FBXO6: variants seen among roughly 807,000 people sequenced by gnomAD.
The protein encoded by FBXO6 is F-box protein 6.
Under a neutral mutation model 25.0 loss-of-function variants are expected in FBXO6, and 13 were observed. That is an observed-to-expected ratio of 0.52 (90% CI 0.34 to 0.83). The LOEUF (loss-of-function observed/expected upper bound fraction) is 0.83, where lower values mean the gene tolerates loss of function less well. FBXO6 is among the 40% of genes least tolerant of loss of function. FBXO6 has a pLI of 0.02. For missense variants in FBXO6, 370 were observed against 380.2 expected, an observed-to-expected ratio of 0.97 and a Z score of 0.22; for synonymous variants, 138 against 155.3, an observed-to-expected ratio of 0.89 and a Z score of 0.83.
intron 1 of FBXO6, among the ~76,000 whole-genome samples, chr1:11,666,035 C>CT (rs1557670275): frequency 9.4e-6 from 1 of 106,764 alleles, no homozygotes; most frequent in African/African-American, 3.9e-5. Context: ...TTTTTCTTTT[C>CT]TCTTTTTTTT....
intron 1 of FBXO6, among the ~76,000 whole-genome samples, chr1:11,666,381 TTTC>T (rs1231646534): frequency 2.0e-5 from 3 of 150,598 alleles, no homozygotes; most frequent in Non-Finnish European, 4.4e-5. Context: ...CCTTTTTTCT[TTTC>T]TTTTTTTTTT....
chr1:11,672,299 T>C (rs1640640174), intron 4 of FBXO6, among the ~76,000 whole-genome samples: 1 of 151,978 alleles, frequency 6.6e-6, no homozygotes, highest in African/African-American at 2.4e-5. Context: ...CACTTTTTTT[T>C]TTTTTGAGAC....
chr1:11,671,795 C>T, intron 3 of FBXO6, 133 bp from the exon 4 acceptor site: 1 of 766,178 alleles, frequency 1.3e-6, no homozygotes. Context: ...CAGTGCCTGT[C>T]CCGCAGCGGC....
intron 1 of FBXO6, among the ~76,000 whole-genome samples, chr1:11,667,172 G>A (rs1006430848): frequency 9.2e-5 from 14 of 151,364 alleles, no homozygotes; most frequent in African/African-American, 3.2e-4. Context: ...AAAAAAAAAA[G>A]AGGCCAGCAA....
intron 2 of FBXO6, among the ~76,000 whole-genome samples, chr1:11,669,760 AC>A (rs1640563064): frequency 6.7e-6 from 1 of 148,758 alleles, no homozygotes; most frequent in Non-Finnish European, 1.5e-5. Flanking sequence ...ACACACACAC[AC>A]AAGTAGTTGG....
rs1446249149 is a variant in FBXO6 at position 11,665,706 on chromosome 1, G to A, written c.-4+1451G>A. Among the ~76,000 whole-genome samples the A allele has an allele frequency of 9.4e-4, 143 of 151,556 alleles. 1 individual carries two copies. The highest frequency in any genetic ancestry group is 3.4e-3 in the Middle Eastern group (1 of 294). On this transcript the variant is annotated intron_variant, in intron 1 of 5. Coordinates refer to ENST00000376753, the MANE Select transcript of FBXO6 (RefSeq NM_018438.6). ...CTCCCGAGTAGCTGGGACTACAGGC[G>A]TCCGCCACCACGCCCAGCTAATTTT...
chr1:11,669,737 TACACACAC>T (rs113558790), intron 2 of FBXO6, among the ~76,000 whole-genome samples: 7 of 139,008 alleles, frequency 5.0e-5, no homozygotes, highest in African/African-American at 7.9e-5. Context: ...TACATATACA[TACACACAC>T]ACACACACAC....
In FBXO6 at chr1:11,673,249, G is replaced by T. The variant is rs756663794; in HGVS notation, c.510-28G>T. The T allele has an allele frequency of 6.2e-7, 1 of 1,600,392 alleles. No homozygotes were observed. Among genetic ancestry groups the T allele is most frequent in the Non-Finnish European group, 8.5e-7 (1 of 1,172,710 alleles). On this transcript the variant is annotated intron_variant, in intron 4 of 5. Coordinates refer to ENST00000376753, the MANE Select transcript of FBXO6 (RefSeq NM_018438.6). This position sits in a 1 kb window ranked among gnomAD's most constrained non-coding sequence, Gnocchi z 4.3. ...CCTGGGGCCAGCCCTCGGTGGCTTG[G>T]ACACAGGGCTCTCAACCCCTCCACC... is the stretch of plus-strand genomic sequence containing the variant.
At chr1:11,667,519 C>G (rs184862401) in intron 1 of FBXO6, among the ~76,000 whole-genome samples, 116 of 152,290 alleles carry the variant, frequency 7.6e-4, no homozygotes, top group African/African-American at 2.4e-3. Context: ...ACAGTTACCC[C>G]CTCCTTTTCA....
intron 1 of FBXO6, among the ~76,000 whole-genome samples, chr1:11,666,653 G>A (rs1640448132): frequency 6.6e-6 from 1 of 152,006 alleles, no homozygotes; most frequent in Non-Finnish European, 1.5e-5. Context: ...AAGGGCTGGG[G>A]TTACAGGCTT....
chr1:11,666,643 A>G (rs1456467414), intron 1 of FBXO6, among the ~76,000 whole-genome samples: 3 of 151,886 alleles, frequency 2.0e-5, no homozygotes, highest in African/African-American at 7.3e-5. Flanking sequence ...CGGCCTCCCA[A>G]AGGGCTGGGG....
Position 11,668,644 on chromosome 1 carries a change from T to C in FBXO6, c.-3-12T>C, listed in dbSNP as rs1198589975. The C allele has an allele frequency of 6.2e-7, 1 of 1,605,384 alleles. No homozygotes were observed. The highest frequency in any genetic ancestry group is 1.7e-5 in the Admixed American group (1 of 59,876). ...TCCCTGGTCAGGCTCATAACTGCTG[T>C]TGCCCCCACAGGCCATGGATGCTCC... On this transcript the variant is annotated splice_polypyrimidine_tract_variant and intron_variant, in intron 1 of 5. Coordinates refer to ENST00000376753, the MANE Select transcript of FBXO6 (RefSeq NM_018438.6).
chr1:11,671,238 G>T (rs780941036), intron 2 of FBXO6, 28 bp from the exon 3 acceptor site: 2 of 1,609,318 alleles, frequency 1.2e-6, no homozygotes, highest in Admixed American at 3.3e-5. Context: ...TACACAGGGG[G>T]TCTCACCTTG....
intron 2 of FBXO6, among the ~76,000 whole-genome samples, chr1:11,670,433 C>A (rs2100694642): frequency 6.6e-6 from 1 of 152,102 alleles, no homozygotes; most frequent in South Asian, 2.1e-4. Context: ...CAGAGGCCAT[C>A]TGAGCCCTAT....
rs765533983 is a variant in FBXO6, at chr1:11,671,327, C to T, written c.348C>T (p.Leu116=). The T allele has an allele frequency of 2.6e-5, 42 of 1,614,026 alleles. No homozygotes were observed. The Middle Eastern group carries it at 4.9e-4, about 19-fold the overall frequency. Residue 116 remains leucine, a synonymous_variant, in exon 3 of 6, where the codon CTC becomes CTT. Coordinates refer to ENST00000376753, the MANE Select transcript of FBXO6 (RefSeq NM_018438.6). ...NGGDRWKVES[L]PGAHGTDFPD... ...GGGACCGCTGGAAGGTGGAGAGCCT[C>T]CCTGGAGCCCACGGGACAGATTTTC...
chr1:11,672,762 C>A (rs1305197722), intron 4 of FBXO6, among the ~76,000 whole-genome samples: 1 of 152,242 alleles, frequency 6.6e-6, no homozygotes, highest in East Asian at 1.9e-4. Context: ...TCTGGCTTGG[C>A]CGGTGGCAGA....
At position 11,674,127 on chromosome 1, in the gene FBXO6, A is replaced by C. The variant is rs1570282106; in HGVS notation, c.*276A>C. On this transcript the variant is annotated 3_prime_UTR_variant, in exon 6 of 6. Transcript: ENST00000376753. This position sits in a 1 kb window ranked among gnomAD's most constrained non-coding sequence, Gnocchi z 6.1. ...AGACCATCCTGGCCAACACGGTGAA[A>C]CCCTGTCTCTACTAAAAATACAAAA... 2 of 362,278 alleles carry C rather than the reference A, an allele frequency of 5.5e-6. No homozygotes were observed. The highest frequency in any genetic ancestry group is 2.8e-5 in the South Asian group (1 of 35,990). The allele number at this position is 362,278 out of a possible 1,614,324, so 22.4% of individuals were successfully genotyped here.
chr1:11,665,507 G>A (rs1188036834), intron 1 of FBXO6, among the ~76,000 whole-genome samples: 4 of 146,694 alleles, frequency 2.7e-5, no homozygotes, highest in African/African-American at 1.0e-4. Context: ...CGCCCACCTC[G>A]GCCTCCCAAA....
rs541103021 is a variant in FBXO6, at chr1:11,665,215, CTTTTTTTTT to C, written c.-4+979_-4+987del. Among the ~76,000 whole-genome samples, 153 of 61,582 alleles carry C rather than the reference CTTTTTTTTT, an allele frequency of 2.5e-3. 1 individual carries two copies. The highest frequency in any genetic ancestry group is 0.01 in the African/African-American group (141 of 14,030). 40.4% of individuals were successfully genotyped at this position (61,582 alleles called of 152,430 possible). A position where few individuals can be genotyped will look rare whatever the true frequency, so the allele number is the denominator to read the frequency against. On this transcript the variant is annotated intron_variant, in intron 1 of 5. Coordinates refer to ENST00000376753, the MANE Select transcript of FBXO6 (RefSeq NM_018438.6). The stretch of plus-strand genomic sequence containing the variant: ...ACGGGCCACCAGGCCTAGCTAATTT[CTTTTTTTTT>C]TTTTTTTTTTTTTTTTTTGAGACGG...
Sources: gnomAD v4.1 joint callset for allele counts (sites outside exome capture counted in the v4.1 genomes callset) on GRCh38, gnomAD v4.1.1 for gene constraint, Gnocchi (gnomAD v3.1) non-coding constraint, MANE v1.5 for transcripts, NCBI Gene and HGNC (gene_info 2026-07-23, HGNC 2026-07-21) for gene names.